PLPP5: variants seen among roughly 807,000 people sequenced by gnomAD.
The protein encoded by PLPP5 is diacylglycerol pyrophosphate like 1.
PLPP5 carries 29 observed loss-of-function variants against 23.6 expected under a neutral mutation model. That is an observed-to-expected ratio of 1.23 (90% CI 0.92 to 1.68). PLPP5 has a LOEUF of 1.68. Ranked by LOEUF, PLPP5 falls within the 40% of genes most tolerant of loss-of-function variation. PLPP5 has a pLI of 0.00. For missense variants in PLPP5, 315 were observed against 332.1 expected, an observed-to-expected ratio of 0.95 and a Z score of 0.40; for synonymous variants, 143 against 131.3, an observed-to-expected ratio of 1.09 and a Z score of -0.61.
intron 5 of PLPP5, 42 bp downstream of exon 5, chr8:38,267,225 T>G: frequency 6.2e-7 from 1 of 1,613,790 alleles, no homozygotes; most frequent in Non-Finnish European, 8.5e-7. Flanking sequence ...AATTCAATGA[T>G]GTGAAAACAA....
intron 5 of PLPP5, 151 bp downstream of exon 5, chr8:38,267,116 G>C: frequency 6.6e-7 from 1 of 1,508,736 alleles, no homozygotes. Context: ...TCAAGGCTCA[G>C]ACTTGTTAAA....
chr8:38,268,296 C>T, intron 3 of PLPP5, 75 bp downstream of exon 3: 4 of 1,343,956 alleles, frequency 3.0e-6, no homozygotes, highest in Admixed American at 2.0e-5. Context: ...CACACAGGCT[C>T]ACCGTGGCTG....
At chr8:38,266,958 A>G (rs1215583198) in intron 5 of PLPP5, 13 of 1,009,932 alleles carry the variant, frequency 1.3e-5, no homozygotes, top group Admixed American at 1.1e-4. Context: ...AAAATGCTTC[A>G]AAGTACCTGA....
chr8:38,268,193 T>C lies in PLPP5; in HGVS notation c.274+178A>G, dbSNP rs532446954. The C allele has an allele frequency of 2.5e-5, 28 of 1,128,162 alleles. No individual in the cohort carries two copies. In the African/African-American group the frequency reaches 3.8e-4, roughly 15 times the overall value. The allele number at this position is 1,128,162 out of a possible 1,614,324, so 69.9% of individuals were successfully genotyped here. On this transcript the variant is annotated intron_variant, in intron 3 of 6. Transcript: ENST00000424479. ...CAGTGCATTTAGGCACAGGGCTGCC[T>C]GCCGTGTAGCCTGCGTAACCAAGTC...
chr8:38,268,174 A>G, intron 3 of PLPP5, 197 bp downstream of exon 3: 2 of 1,222,438 alleles, frequency 1.6e-6, no homozygotes, highest in African/African-American at 1.5e-5. Context: ...AACCCAGTGC[A>G]TTTAGGCACA....
Position 38,268,969 on chromosome 8 carries a change from CG to C in PLPP5, c.95del (p.Pro32ArgfsTer40), listed in dbSNP as rs749442059. Reference protein sequence around the residue: ...AAFLVTELLPPFQRLIQPEEM... With the variant: ...AAFLVTELLPXFQRLIQPEEM... ...CCTCCGGCTGGATGAGTCTCTGGAA[CG>C]GGGGGAGCAGCTCCGTCACCCTAGA... On this transcript the variant is annotated frameshift_variant, in exon 2 of 7. Transcript: ENST00000424479. LOFTEE classifies it high-confidence loss of function. 10 of 1,566,850 alleles carry C rather than the reference CG, an allele frequency of 6.4e-6. No homozygotes were observed. Among genetic ancestry groups the C allele is most frequent in the Admixed American group, 4.1e-5 (2 of 48,268 alleles).
chr8:38,268,708 C>T, intron 2 of PLPP5, 174 bp downstream of exon 2: 1 of 1,432,096 alleles, frequency 7.0e-7, no homozygotes, highest in Non-Finnish European at 9.1e-7. Context: ...GCTCGGACAC[C>T]CTCCTCTCTC....
Position 38,263,238 on chromosome 8 carries a change from G to T in PLPP5, c.*1206C>A. ...AAAGTATAATCACAATAAAGAGAAAGGGAGCTGTAGGTCCTATGGCATCCA... is the reference window on the plus strand; with the variant it reads ...AAAGTATAATCACAATAAAGAGAAATGGAGCTGTAGGTCCTATGGCATCCA... On this transcript the variant is annotated 3_prime_UTR_variant, in exon 7 of 7. Coordinates refer to ENST00000424479, the MANE Select transcript of PLPP5 (RefSeq NM_001102559.2). 4.9e-6 allele frequency: 1 copy of T among 204,250 alleles called. No homozygotes were observed. Among genetic ancestry groups the T allele is most frequent in the Non-Finnish European group, 8.6e-6 (1 of 115,674 alleles). 12.7% of individuals were successfully genotyped at this position (204,250 alleles called of 1,614,324 possible).
rs543976752 is a variant in PLPP5, at chr8:38,265,063, T to C, written c.635-459A>G. ...GCAGATGGATCCCGAGGTCAGGAGA[T>C]TGAGACCAGCCTGACCAACAAGTGA... On this transcript the variant is annotated intron_variant, in intron 6 of 6. Coordinates refer to ENST00000424479, the MANE Select transcript of PLPP5 (RefSeq NM_001102559.2). 35 of 761,508 alleles carry C rather than the reference T, an allele frequency of 4.6e-5. 1 individual carries two copies. The South Asian group carries it at 5.0e-4, about 11-fold the overall frequency. The allele number at this position is 761,508 out of a possible 1,614,324, so 47.2% of individuals were successfully genotyped here. A position where few individuals can be genotyped will look rare whatever the true frequency, so the allele number is the denominator to read the frequency against.
At chr8:38,268,544 C>T in intron 2 of PLPP5, 83 bp from the exon 3 acceptor site, 1 of 1,527,394 alleles carries the variant, frequency 6.5e-7, no homozygotes, top group Non-Finnish European at 8.8e-7. Flanking sequence ...TGTGACACAG[C>T]AGGACTCACT....
At chr8:38,269,100 CG>C in intron 1 of PLPP5, 25 bp downstream of exon 1, 1 of 1,525,890 alleles carries the variant, frequency 6.6e-7, no homozygotes, top group Non-Finnish European at 8.8e-7. Flanking sequence ...CGGGGCCGCC[CG>C]GGCCCGGCCG....
In PLPP5 at chr8:38,268,945, C is replaced by G; in HGVS notation, c.120G>C (p.Glu40Asp). The G allele has an allele frequency of 6.4e-7, 1 of 1,564,556 alleles. No individual in the cohort carries two copies. The highest frequency in any genetic ancestry group is 8.6e-7 in the Non-Finnish European group (1 of 1,161,306). The change falls in exon 2 of 7, where the codon GAG becomes GAC. Residue 40 changes from glutamate to aspartate, a missense_variant. By Grantham distance (45) the Glu-to-Asp change is conservative. Coordinates refer to ENST00000424479, the MANE Select transcript of PLPP5 (RefSeq NM_001102559.2). ...AGGGGTTCCGGTAGAGCCACATCTC[C>G]TCCGGCTGGATGAGTCTCTGGAACG... ...LPPFQRLIQP[E>D]EMWLYRNPYV...
In PLPP5 at chr8:38,266,151, A is replaced by G; in HGVS notation, c.624T>C (p.His208=). 6.2e-7 allele frequency: 1 copy of G among 1,613,904 alleles called. No individual in the cohort carries two copies. ...GAGTACTTTGCTTACCTTGCCAGTG[A>G]TGCTTGTAGTCACATGTGCGGGACA... ...IALSRTCDYK[H]HWQDVLVGSM... is the part of the protein sequence containing the mutation. Residue 208 remains histidine (H), a synonymous_variant, in exon 6 of 7, where the codon CAT becomes CAC. Coordinates refer to ENST00000424479, the MANE Select transcript of PLPP5 (RefSeq NM_001102559.2).
chr8:38,267,369 G>C lies in PLPP5; in HGVS notation c.361C>G (p.Arg121Gly), dbSNP rs745649397. 1.2e-6 allele frequency: 2 copies of C among 1,613,448 alleles called. No individual in the cohort carries two copies. The highest frequency in any genetic ancestry group is 1.3e-5 in the African/African-American group (1 of 74,918). The change falls in exon 5 of 7, where the codon CGC (arginine) becomes GGC (glycine). Residue 121 changes from arginine (R) to glycine (G), a missense_variant. By Grantham distance (125) the Arg-to-Gly change is moderately radical. Coordinates refer to ENST00000424479, the MANE Select transcript of PLPP5 (RefSeq NM_001102559.2). ...TGGGCTAGCCCATCAGGGAAGCAGC[G>C]GTAGAAGAAATCTGGGCGTGGCCTG... is the stretch of plus-strand genomic sequence containing the variant. The part of the protein sequence containing the change: ...VGRPRPDFFY[R>G]CFPDGLAHSD...
At chr8:38,264,982 C>T in intron 6 of PLPP5, 3 of 1,502,112 alleles carry the variant, frequency 2.0e-6, no homozygotes, top group Non-Finnish European at 2.8e-6. Context: ...TTAAGAGTTG[C>T]TTCTCGCCGG....
chr8:38,266,701 T>G (rs1042066207), intron 5 of PLPP5, among the ~76,000 whole-genome samples: 2 of 152,164 alleles, frequency 1.3e-5, no homozygotes, highest in Non-Finnish European at 2.9e-5. Flanking sequence ...CACCCGGCCA[T>G]GAGGGTGTTT....
rs1807198166 is a variant in PLPP5 at position 38,263,502 on chromosome 8, C to T, written c.*942G>A. ...TGTTAGTAGTGCTGAAACCACACTC[C>T]TGACCATTTTCTTCTTTATTATTGT... On this transcript the variant is annotated 3_prime_UTR_variant, in exon 7 of 7. Transcript: ENST00000424479. The T allele has an allele frequency of 1.0e-6, 1 of 985,320 alleles. No homozygotes were observed. Among genetic ancestry groups the T allele is most frequent in the African/African-American group, 1.7e-5 (1 of 57,248 alleles). 61.0% of individuals were successfully genotyped at this position (985,320 alleles called of 1,614,324 possible). A position where few individuals can be genotyped will look rare whatever the true frequency, so the allele number is the denominator to read the frequency against.
intron 6 of PLPP5, 93 bp downstream of exon 6, chr8:38,266,048 A>C: frequency 8.5e-7 from 1 of 1,173,840 alleles, no homozygotes. Flanking sequence ...TTGTTCATTC[A>C]GCAGATATTT....
Position 38,266,260 on chromosome 8 carries a change from T to C in PLPP5, c.515A>G (p.His172Arg), listed in dbSNP as rs1807567569. The stretch of plus-strand genomic sequence containing the variant: ...CCCACGGCCTTGTGGTGTGAAGCAG[T>C]GTAACTTCCCTGCCAGGTAGAAGGA... ...FASFYLAGKLHCFTPQGRGKS... is the reference protein window; with the variant it reads ...FASFYLAGKLRCFTPQGRGKS... Residue 172 changes from histidine (H) to arginine (R), a missense_variant, in exon 6 of 7, where the codon CAC becomes CGC. Coordinates refer to ENST00000424479, the MANE Select transcript of PLPP5 (RefSeq NM_001102559.2). 3 of 1,613,780 alleles carry C rather than the reference T, an allele frequency of 1.9e-6. No individual in the cohort carries two copies.
Sources: allele counts gnomAD v4.1 joint callset (sites outside exome capture counted in the v4.1 genomes callset), GRCh38; gene constraint gnomAD v4.1.1; transcripts MANE v1.5; gene names NCBI Gene and HGNC (gene_info 2026-07-23, HGNC 2026-07-21).